STT3B: variants seen among roughly 807,000 people sequenced by gnomAD.
The protein encoded by STT3B is STT3 oligosaccharyltransferase complex catalytic subunit B.
A neutral mutation model predicts 96.8 loss-of-function variants in STT3B; 29 were observed. The ratio of observed to expected loss-of-function variants is 0.30; its 90% confidence interval spans 0.22 to 0.41. STT3B has a LOEUF of 0.41. STT3B is among the 10% of genes least tolerant of loss of function. The pLI is 1.00. For missense variants in STT3B, 640 were observed against 1,022.3 expected, an observed-to-expected ratio of 0.63 and a Z score of 5.10; for synonymous variants, 367 against 360.0, an observed-to-expected ratio of 1.02 and a Z score of -0.22.
intron 1 of STT3B, among the ~76,000 whole-genome samples, chr3:31,560,635 T>G (rs770781361): frequency 3.9e-5 from 6 of 152,048 alleles, no homozygotes; most frequent in Non-Finnish European, 8.8e-5. Context: ...CTTATGGGGG[T>G]TTCTTTATAA....
rs780283842 is a variant in STT3B, at chr3:31,615,219, A to T, written c.976+16A>T. On this transcript the variant is annotated intron_variant, in intron 6 of 15. Coordinates refer to ENST00000295770, the MANE Select transcript of STT3B (RefSeq NM_178862.3). ...GCAGCTGCAGGTATGAAAAATATAT[A>T]TTTTCCTTCTTCTAAAGAATATGTG... 2.6e-6 allele frequency: 4 copies of T among 1,566,078 alleles called. No homozygotes were observed. The highest frequency in any genetic ancestry group is 3.5e-6 in the Non-Finnish European group (4 of 1,142,768).
chr3:31,572,665 C>T (rs1698185812), intron 1 of STT3B, among the ~76,000 whole-genome samples: 1 of 152,222 alleles, frequency 6.6e-6, no homozygotes, highest in South Asian at 2.1e-4. Flanking sequence ...AGTTGGAGAC[C>T]AGTCTGGGCA....
intron 1 of STT3B, among the ~76,000 whole-genome samples, chr3:31,538,603 A>C (rs1697157216): frequency 6.6e-6 from 1 of 152,156 alleles, no homozygotes; most frequent in South Asian, 2.1e-4. Context: ...GCCATCTTTC[A>C]TCCAGAGGTA....
In STT3B at chr3:31,616,962, T is replaced by G; in HGVS notation, c.1010T>G (p.Leu337Trp). The G allele has an allele frequency of 6.2e-7, 1 of 1,611,972 alleles. No individual in the cohort carries two copies. Among genetic ancestry groups the G allele is most frequent in the Non-Finnish European group, 8.5e-7 (1 of 1,178,382 alleles). ...GCATTGCTGCAAGCTTATGCTTTCT[T>G]GCAGTATCTGAGAGACCGATTAACA... The part of the protein sequence containing the change: ...VFALLQAYAF[L>W]QYLRDRLTKQ... The change falls in exon 7 of 16, where the codon TTG becomes TGG. Residue 337 changes from leucine (L) to tryptophan (W), a missense_variant. Coordinates refer to ENST00000295770, the MANE Select transcript of STT3B (RefSeq NM_178862.3).
At chr3:31,544,555 A>T (rs1433498167) in intron 1 of STT3B, among the ~76,000 whole-genome samples, 3 of 152,248 alleles carry the variant, frequency 2.0e-5, no homozygotes, top group African/African-American at 4.8e-5. Flanking sequence ...TAATGATCTC[A>T]CAAGATGTTT....
chr3:31,579,680 C>A, intron 2 of STT3B, 129 bp from the exon 3 acceptor site: 1 of 699,778 alleles, frequency 1.4e-6, no homozygotes, highest in Non-Finnish European at 2.2e-6. Context: ...ATAAAGAAGG[C>A]AAATTGTTTT....
At chr3:31,561,421 C>G (rs1399007226) in intron 1 of STT3B, among the ~76,000 whole-genome samples, 2 of 152,086 alleles carry the variant, frequency 1.3e-5, no homozygotes, top group Non-Finnish European at 2.9e-5. Context: ...ATTTAAGTTA[C>G]AAACAATCCA....
chr3:31,562,502 G>A (rs958564698), intron 1 of STT3B, among the ~76,000 whole-genome samples: 3 of 152,154 alleles, frequency 2.0e-5, no homozygotes, highest in Admixed American at 1.3e-4. Flanking sequence ...TGGGTGGACC[G>A]GCTGGCAGTG....
At chr3:31,554,448 C>A (rs1442169085) in intron 1 of STT3B, among the ~76,000 whole-genome samples, 1 of 151,844 alleles carries the variant, frequency 6.6e-6, no homozygotes, top group African/African-American at 2.4e-5. Context: ...TTTTGTTTTC[C>A]CTGATGAAAA....
intron 9 of STT3B, among the ~76,000 whole-genome samples, chr3:31,620,613 C>A (rs1699405603): frequency 6.6e-6 from 1 of 152,050 alleles, no homozygotes; most frequent in African/African-American, 2.4e-5. Context: ...ATTTAAATGC[C>A]AAGTATTTAG....
intron 1 of STT3B, among the ~76,000 whole-genome samples, chr3:31,550,553 T>TA (rs1446850775): frequency 6.6e-6 from 1 of 152,172 alleles, no homozygotes; most frequent in Admixed American, 6.6e-5. Flanking sequence ...GTTAACCTAG[T>TA]AAAAAAAGTT....
chr3:31,558,279 A>G (rs144177929), intron 1 of STT3B, among the ~76,000 whole-genome samples: 1,585 of 152,230 alleles, frequency 0.01, 19 homozygotes, highest in Middle Eastern at 0.031. Context: ...AAGGCTTTCA[A>G]CTTTTCTTAA....
chr3:31,556,369 G>T (rs1384946257), intron 1 of STT3B, among the ~76,000 whole-genome samples: 1 of 152,128 alleles, frequency 6.6e-6, no homozygotes, highest in Non-Finnish European at 1.5e-5. Context: ...ACGTGTGAAC[G>T]CACGTGTCCC....
intron 3 of STT3B, among the ~76,000 whole-genome samples, chr3:31,583,271 C>A (rs775457563): frequency 6.6e-6 from 1 of 151,832 alleles, no homozygotes; most frequent in Non-Finnish European, 1.5e-5. Context: ...TGTTTTATTG[C>A]TGTATATATT....
At position 31,622,266 on chromosome 3, in the gene STT3B, T is replaced by C. The variant is rs1296555448; in HGVS notation, c.1497T>C (p.Ser499=). ...KRENPPVEDS[S]DEDDKRNQGN... is the part of the protein sequence containing the mutation. Reference sequence around the variant, plus strand: ...AAAATCCACCTGTGGAGGACAGCAGTGATGAGGATGACAAAAGAAACCAAG... The same window carrying C: ...AAAATCCACCTGTGGAGGACAGCAGCGATGAGGATGACAAAAGAAACCAAG... Residue 499 remains serine (S), a synonymous_variant, in exon 10 of 16, where the codon AGT becomes AGC. Transcript: ENST00000295770. 1.2e-6 allele frequency: 2 copies of C among 1,614,102 alleles called. No individual in the cohort carries two copies. The highest frequency in any genetic ancestry group is 1.1e-5 in the South Asian group (1 of 91,090).
chr3:31,616,488 C>G (rs577916493), intron 6 of STT3B, among the ~76,000 whole-genome samples: 1 of 151,906 alleles, frequency 6.6e-6, no homozygotes, highest in Non-Finnish European at 1.5e-5. Context: ...TCTTATTACT[C>G]AGTTATAAAT....
At chr3:31,571,905 GCTTC>G (rs1459302513) in intron 1 of STT3B, among the ~76,000 whole-genome samples, 1 of 140,248 alleles carries the variant, frequency 7.1e-6, no homozygotes, top group African/African-American at 2.6e-5. Flanking sequence ...TAGGTTAGGT[GCTTC>G]CTTTTTGAGA....
chr3:31,632,649 T>G (rs988608820), intron 14 of STT3B, among the ~76,000 whole-genome samples: 2 of 142,026 alleles, frequency 1.4e-5, no homozygotes, highest in African/African-American at 5.1e-5. Context: ...TTGATAGATT[T>G]CATTTCTATG....
chr3:31,583,454 A>C (rs1296145884), intron 3 of STT3B, among the ~76,000 whole-genome samples: 1 of 152,032 alleles, frequency 6.6e-6, no homozygotes, highest in African/African-American at 2.4e-5. Context: ...ACAGGTTTGA[A>C]CCACCACACC....
Sources: allele counts gnomAD v4.1 joint callset (sites outside exome capture counted in the v4.1 genomes callset), GRCh38; gene constraint gnomAD v4.1.1; transcripts MANE v1.5; gene names NCBI Gene and HGNC (gene_info 2026-07-23, HGNC 2026-07-21).